ARFGEF1: variants seen among roughly 807,000 people sequenced by gnomAD.
ARFGEF1 encodes ARF guanine nucleotide exchange factor 1, also known as brefeldin A-inhibited guanine nucleotide-exchange protein 1.
Under a neutral mutation model 231.0 loss-of-function variants are expected in ARFGEF1, and 42 were observed. The ratio of observed to expected loss-of-function variants is 0.18; its 90% CI spans 0.14 to 0.24. The LOEUF (loss-of-function observed/expected upper bound fraction) is 0.24. Among genes scored for constraint, ARFGEF1 ranks in the 10% least tolerant of loss-of-function variants. ARFGEF1 has a pLI of 1.00. For missense variants in ARFGEF1, 1,345 were observed against 2,192.0 expected, an observed-to-expected ratio of 0.61 and a Z score of 7.72; for synonymous variants, 710 against 732.3, an observed-to-expected ratio of 0.97 and a Z score of 0.49.
chr8:67,301,435 T>A, intron 2 of ARFGEF1, 55 bp from the exon 3 acceptor site: 1 of 1,510,860 alleles, frequency 6.6e-7, no homozygotes, highest in Non-Finnish European at 8.9e-7. Flanking sequence ...ATATTGATAA[T>A]AAACCCATGT....
chr8:67,199,152 A>T (rs1164947183), intron 38 of ARFGEF1, 54 bp from the exon 39 acceptor site: 4 of 1,578,352 alleles, frequency 2.5e-6, no homozygotes, highest in Non-Finnish European at 3.4e-6. Context: ...GCAGAGCCTT[A>T]AACTGCCTAG....
At chr8:67,264,094 C>T (rs189710404) in intron 14 of ARFGEF1, among the ~76,000 whole-genome samples, 52 of 152,092 alleles carry the variant, frequency 3.4e-4, no homozygotes, top group African/African-American at 1.2e-3. Flanking sequence ...TATTATCATA[C>T]CTTCAAAGCA....
chr8:67,213,956 T>C (rs1385657848), intron 33 of ARFGEF1, among the ~76,000 whole-genome samples: 1 of 152,176 alleles, frequency 6.6e-6, no homozygotes, highest in Non-Finnish European at 1.5e-5. Context: ...TTTGATACCA[T>C]GAAATGGAAT....
chr8:67,181,757 C>T (rs1030846746), intron 5 of ARFGEF1, among the ~76,000 whole-genome samples: 3 of 152,088 alleles, frequency 2.0e-5, no homozygotes, highest in African/African-American at 7.2e-5. Flanking sequence ...TATTGTGCAA[C>T]CACCACTATC....
At chr8:67,278,223 A>G (rs1805390984) in intron 7 of ARFGEF1, among the ~76,000 whole-genome samples, 1 of 152,210 alleles carries the variant, frequency 6.6e-6, no homozygotes, top group Admixed American at 6.5e-5. Context: ...ATGCTGTACT[A>G]TAAGGAACAT....
chr8:67,290,669 AT>A (rs1805968531), intron 6 of ARFGEF1, among the ~76,000 whole-genome samples: 1 of 152,206 alleles, frequency 6.6e-6, no homozygotes, highest in Non-Finnish European at 1.5e-5. Context: ...AAACAAAAAA[AT>A]AAATAAAGTC....
At chr8:67,219,060 G>A (rs188392005) in intron 30 of ARFGEF1, among the ~76,000 whole-genome samples, 2,314 of 152,130 alleles carry the variant, frequency 0.015, 63 homozygotes, top group African/African-American at 0.053. Flanking sequence ...TCCACCTCCC[G>A]GGTTCAAACA....
chr8:67,257,109 C>T (rs1249741045), intron 17 of ARFGEF1, among the ~76,000 whole-genome samples: 1 of 151,834 alleles, frequency 6.6e-6, no homozygotes, highest in African/African-American at 2.4e-5. Flanking sequence ...ACGGGGTCTG[C>T]CCTCTGTCAC....
chr8:67,330,581 A>G (rs181678210), intron 1 of ARFGEF1, among the ~76,000 whole-genome samples: 1 of 152,314 alleles, frequency 6.6e-6, no homozygotes, highest in Admixed American at 6.5e-5. Flanking sequence ...GTTATTTACT[A>G]TAAAAAATTT....
At chr8:67,271,516 T>C (rs1805098481) in intron 10 of ARFGEF1, among the ~76,000 whole-genome samples, 186 bp downstream of exon 10, 1 of 152,200 alleles carries the variant, frequency 6.6e-6, no homozygotes, top group Non-Finnish European at 1.5e-5. Context: ...GCATTCTTAG[T>C]GCTTATCCAG....
At chr8:67,302,865 A>G (rs1478594835) in intron 1 of ARFGEF1, among the ~76,000 whole-genome samples, 2 of 149,526 alleles carry the variant, frequency 1.3e-5, no homozygotes, top group Admixed American at 1.3e-4. Context: ...ACTTGAGGCA[A>G]GGAGTCTGAG....
chr8:67,193,530 G>C (rs939623844), downstream of ARFGEF1: 1 of 1,612,836 alleles, frequency 6.2e-7, no homozygotes, highest in African/African-American at 1.3e-5. Context: ...TGTAAATGTT[G>C]ATGAGCTTAG....
chr8:67,343,700 C>G lies in ARFGEF1; in HGVS notation c.-413G>C. On this transcript the variant is annotated 5_prime_UTR_variant, in exon 1 of 39. Coordinates refer to ENST00000262215, the MANE Select transcript of ARFGEF1 (RefSeq NM_006421.5). The stretch of plus-strand genomic sequence containing the variant: ...CGCGAGAGAAGGGCTACCCTGGCTA[C>G]TGTGGGGATTAGCACCCGCCGCGGC... The G allele has an allele frequency of 1.3e-6, 1 of 770,102 alleles. No homozygotes were observed. Among genetic ancestry groups the G allele is most frequent in the Non-Finnish European group, 1.6e-6 (1 of 630,820 alleles). The allele number at this position is 770,102 out of a possible 1,614,324, so 47.7% of individuals were successfully genotyped here. A position where few individuals can be genotyped will look rare whatever the true frequency, so the allele number is the denominator to read the frequency against.
chr8:67,190,502 A>G (rs567878182), intron 5 of ARFGEF1: 45 of 625,206 alleles, frequency 7.2e-5, no homozygotes, highest in Admixed American at 1.7e-4. Context: ...AATTTACTAA[A>G]AAAATCACCG....
chr8:67,320,500 C>T (rs935605688), intron 1 of ARFGEF1, among the ~76,000 whole-genome samples: 1 of 152,166 alleles, frequency 6.6e-6, no homozygotes, highest in South Asian at 2.1e-4. Context: ...AGTCCCACTC[C>T]TGGGTATCTA....
chr8:67,188,705 C>T (rs2129574718), intron 5 of ARFGEF1, among the ~76,000 whole-genome samples: 1 of 152,302 alleles, frequency 6.6e-6, no homozygotes, highest in South Asian at 2.1e-4. Context: ...GACTTCCACC[C>T]CTCCGGATCT....
chr8:67,311,509 A>G (rs1478571861), intron 1 of ARFGEF1, among the ~76,000 whole-genome samples: 7 of 108,372 alleles, frequency 6.5e-5, no homozygotes, highest in Non-Finnish European at 9.4e-5. Context: ...TCCGGGAGGG[A>G]GGTGGGGGGG....
chr8:67,272,079 T>TAAA (rs1805119254), intron 9 of ARFGEF1, 143 bp from the exon 10 acceptor site: 1 of 604,436 alleles, frequency 1.7e-6, no homozygotes, highest in Non-Finnish European at 2.9e-6. Context: ...TTCTATAACA[T>TAAA]AAAAAAAGTA....
At chr8:67,291,773 T>C in intron 6 of ARFGEF1, 74 bp downstream of exon 6, 2 of 1,519,530 alleles carry the variant, frequency 1.3e-6, no homozygotes, top group Admixed American at 2.0e-5. Context: ...CCTTTCAACA[T>C]TTCTTCATCA....
Sources: gnomAD v4.1 joint callset for allele counts (sites outside exome capture counted in the v4.1 genomes callset) on GRCh38, gnomAD v4.1.1 for gene constraint, MANE v1.5 for transcripts, NCBI Gene and HGNC (gene_info 2026-07-23, HGNC 2026-07-21) for gene names.